The following THNSL1 variants were observed in gnomAD, a reference collection of about 807,000 sequenced individuals.
The protein encoded by THNSL1 is threonine synthase like 1.
A neutral mutation model predicts 50.4 loss-of-function variants in THNSL1; 48 were observed. That is an observed-to-expected ratio of 0.95 (90% CI 0.76 to 1.21). The LOEUF (loss-of-function observed/expected upper bound fraction) is 1.21. THNSL1 is among the 50% of genes most tolerant of loss of function. THNSL1 has a pLI of 0.00. For missense variants in THNSL1, 896 were observed against 871.7 expected (o/e 1.03, Z -0.35); for synonymous variants, 309 against 306.1 (o/e 1.01, Z -0.10).
chr10:25,019,002 CT>C (rs1281713839), intron 1 of THNSL1, among the ~76,000 whole-genome samples: 1 of 152,132 alleles, frequency 6.6e-6, no homozygotes, highest in Non-Finnish European at 1.5e-5. Context: ...ACCCTCACCT[CT>C]GTTTCATGGC....
chr10:24,996,093 T>C, the THNSL1 span, among the ~76,000 whole-genome samples: 2 of 152,150 alleles, frequency 1.3e-5, no homozygotes, highest in Non-Finnish European at 2.9e-5. Flanking sequence ...AAATAATTTT[T>C]TAAAAAGAAA....
chr10:24,992,392 T>C, the THNSL1 span, among the ~76,000 whole-genome samples: 1 of 152,170 alleles, frequency 6.6e-6, no homozygotes, highest in South Asian at 2.1e-4. Context: ...GGAGGTATGG[T>C]AGTCATTAAA....
chr10:24,957,407 T>C, the THNSL1 span, among the ~76,000 whole-genome samples: 1 of 152,352 alleles, frequency 6.6e-6, no homozygotes, highest in African/African-American at 2.4e-5. Context: ...CCACTATGTT[T>C]TTTTTCTAGC....
At chr10:24,997,081 T>G in the THNSL1 span, among the ~76,000 whole-genome samples, 2 of 152,018 alleles carry the variant, frequency 1.3e-5, no homozygotes, top group Non-Finnish European at 2.9e-5. Flanking sequence ...GCGTGTGGTG[T>G]TGCATGCCTG....
the THNSL1 span, among the ~76,000 whole-genome samples, chr10:24,998,395 G>C: frequency 3.4e-5 from 4 of 117,470 alleles, no homozygotes; most frequent in Non-Finnish European, 6.5e-5. Context: ...CTTTTTTTGA[G>C]ATGGGGTCTC....
Position 25,025,172 on chromosome 10 carries a change from C to T in THNSL1, c.1949C>T (p.Ala650Val). Residue 650 changes from alanine to valine, a missense_variant, in exon 3 of 3, where the codon GCA becomes GTA. Ala to Val is a moderately conservative substitution (Grantham distance 64). Coordinates refer to ENST00000376356, the MANE Select transcript of THNSL1 (RefSeq NM_024838.5). ...DPHTAVAKVV[A>V]DRVQDKTCPV... ...CACACTGCTGTTGCAAAAGTGGTTG[C>T]AGATAGGGTGCAAGACAAAACTTGC... 1 of 1,614,158 alleles carries T rather than the reference C, an allele frequency of 6.2e-7. No homozygotes were observed. The highest frequency in any genetic ancestry group is 8.5e-7 in the Non-Finnish European group (1 of 1,180,028).
At chr10:24,979,392 C>T in the THNSL1 span, among the ~76,000 whole-genome samples, 1 of 151,886 alleles carries the variant, frequency 6.6e-6, no homozygotes, top group Non-Finnish European at 1.5e-5. Flanking sequence ...AGATGTTGAC[C>T]TGTGTCCTAC....
the THNSL1 span, among the ~76,000 whole-genome samples, chr10:24,993,381 G>A: frequency 6.6e-6 from 1 of 152,200 alleles, no homozygotes; most frequent in Admixed American, 6.5e-5. Flanking sequence ...ACAACCCTGT[G>A]ATAAATCCAA....
At chr10:24,984,385 A>G in the THNSL1 span, 4 of 1,492,980 alleles carry the variant, frequency 2.7e-6, no homozygotes, top group East Asian at 9.4e-5. Context: ...CGCTGCAGAA[A>G]AAAAAAAAAA....
chr10:24,957,148 C>T, the THNSL1 span, among the ~76,000 whole-genome samples: 1 of 152,204 alleles, frequency 6.6e-6, no homozygotes, highest in South Asian at 2.1e-4. Context: ...TCTCCTACTC[C>T]TGCCACTCCT....
chr10:24,991,868 C>G, the THNSL1 span, among the ~76,000 whole-genome samples: 1 of 152,204 alleles, frequency 6.6e-6, no homozygotes, highest in Non-Finnish European at 1.5e-5. Context: ...CACACGCCCA[C>G]TGCGGCTTCA....
chr10:25,019,521 A>G (rs966062676), intron 1 of THNSL1, among the ~76,000 whole-genome samples: 1 of 152,194 alleles, frequency 6.6e-6, no homozygotes, highest in Non-Finnish European at 1.5e-5. Context: ...AAATACCACA[A>G]ACAAAAAAGC....
chr10:24,963,849 C>G, the THNSL1 span, among the ~76,000 whole-genome samples: 1 of 152,178 alleles, frequency 6.6e-6, no homozygotes. Flanking sequence ...ATTAATGGAG[C>G]ATGCAGGAAA....
chr10:25,009,228 A>G, the THNSL1 span, among the ~76,000 whole-genome samples: 2 of 152,004 alleles, frequency 1.3e-5, no homozygotes, highest in Non-Finnish European at 2.9e-5. Context: ...CACATTGTGC[A>G]TATGTACCCT....
At chr10:24,994,694 TA>T in the THNSL1 span, among the ~76,000 whole-genome samples, 1 of 152,272 alleles carries the variant, frequency 6.6e-6, no homozygotes, top group African/African-American at 2.4e-5. Context: ...AAAGTAGCAT[TA>T]AATAAGATTT....
chr10:24,998,530 A>G, the THNSL1 span, among the ~76,000 whole-genome samples: 1 of 151,902 alleles, frequency 6.6e-6, no homozygotes, highest in South Asian at 2.1e-4. Context: ...GCATGCCATC[A>G]CACCTAGCTA....
Position 25,024,829 on chromosome 10 carries a change from C to T in THNSL1, c.1606C>T (p.Gln536Ter), listed in dbSNP as rs1264239541. The T allele has an allele frequency of 6.2e-7, 1 of 1,614,150 alleles. No individual in the cohort carries two copies. The highest frequency in any genetic ancestry group is 1.7e-5 in the Admixed American group (1 of 60,026). ...PIRKFICASN[Q>*]NHVLTDFIKT... is the part of the protein sequence containing the mutation. Reference sequence around the variant, plus strand: ...TCGAAAATTTATCTGTGCCTCTAATCAGAACCATGTTTTGACTGATTTTAT... The same window carrying T: ...TCGAAAATTTATCTGTGCCTCTAATTAGAACCATGTTTTGACTGATTTTAT... The change falls in exon 3 of 3, where the codon CAG (glutamine) becomes TAG (stop). Residue 536 changes from glutamine (Q) to a stop codon, truncating the protein, a stop_gained. Transcript: ENST00000376356. LOFTEE classifies it high-confidence loss of function.
the THNSL1 span, among the ~76,000 whole-genome samples, chr10:24,958,791 T>G: frequency 6.6e-6 from 1 of 152,224 alleles, no homozygotes. Flanking sequence ...CTGAGGAATA[T>G]CAGCAGTAAG....
the THNSL1 span, among the ~76,000 whole-genome samples, chr10:24,954,581 A>G: frequency 6.6e-6 from 1 of 152,174 alleles, no homozygotes; most frequent in African/African-American, 2.4e-5. Context: ...TAAACGTAAA[A>G]TCCAACAAGT....
Sources: gnomAD v4.1 joint callset for allele counts (sites outside exome capture counted in the v4.1 genomes callset) on GRCh38, gnomAD v4.1.1 for gene constraint, MANE v1.5 for transcripts, NCBI Gene and HGNC (gene_info 2026-07-23, HGNC 2026-07-21) for gene names.